ZSWIM6: variants seen among roughly 807,000 people sequenced by gnomAD.
ZSWIM6 encodes the protein zinc finger SWIM-type containing 6.
In ZSWIM6, 9 loss-of-function variants were observed where a neutral mutation model predicts 113.2. That is an observed-to-expected ratio of 0.08 (90% CI 0.05 to 0.14). The LOEUF is 0.14. Among genes scored for constraint, ZSWIM6 ranks in the 10% least tolerant of loss-of-function variants. The pLI is 1.00. For missense variants in ZSWIM6, 1,162 were observed against 1,552.2 expected, an observed-to-expected ratio of 0.75 and a Z score of 4.22; for synonymous variants, 611 against 606.5, an observed-to-expected ratio of 1.01 and a Z score of -0.11.
intron 1 of ZSWIM6, among the ~76,000 whole-genome samples, chr5:61,367,494 C>T (rs1445773755): frequency 6.6e-6 from 1 of 152,200 alleles, no homozygotes; most frequent in Non-Finnish European, 1.5e-5. Context: ...ATCCATCCTC[C>T]TGCCTTGGCC....
At chr5:61,333,009 G>GGCCCCCCCCC in intron 1 of ZSWIM6, 61 bp downstream of exon 1, 3 of 439,898 alleles carry the variant, frequency 6.8e-6, no homozygotes, top group Non-Finnish European at 6.4e-6. Flanking sequence ...TGGGGGGGGG[G>GGCCCCCCCCC]TGCCCGCCTT....
At chr5:61,383,290 C>G (rs1212824957) in intron 1 of ZSWIM6, among the ~76,000 whole-genome samples, 1 of 152,196 alleles carries the variant, frequency 6.6e-6, no homozygotes, top group African/African-American at 2.4e-5. Context: ...AGGCAGCTGA[C>G]AAGCAGCCCC....
intron 1 of ZSWIM6, among the ~76,000 whole-genome samples, chr5:61,468,837 C>T (rs1436062394): frequency 6.6e-6 from 1 of 152,158 alleles, no homozygotes; most frequent in Non-Finnish European, 1.5e-5. Flanking sequence ...CTATACAAGG[C>T]TGAAGTAGGC....
At chr5:61,439,665 T>G (rs1746783762) in intron 1 of ZSWIM6, among the ~76,000 whole-genome samples, 1 of 152,226 alleles carries the variant, frequency 6.6e-6, no homozygotes, top group African/African-American at 2.4e-5. Context: ...TTCCAGTTTT[T>G]GGCTATCATT....
At chr5:61,484,273 T>G (rs1048845149) in intron 2 of ZSWIM6, among the ~76,000 whole-genome samples, 1 of 152,162 alleles carries the variant, frequency 6.6e-6, no homozygotes, top group Non-Finnish European at 1.5e-5. Context: ...TCCTTGTGGA[T>G]TTTGGCCTTT....
At chr5:61,448,206 T>C (rs1182104983) in intron 1 of ZSWIM6, among the ~76,000 whole-genome samples, 2 of 152,302 alleles carry the variant, frequency 1.3e-5, no homozygotes, top group East Asian at 3.9e-4. Flanking sequence ...GTTTCCATAG[T>C]GCATTAGCAT....
chr5:61,422,169 A>G (rs888137039), intron 1 of ZSWIM6, among the ~76,000 whole-genome samples: 3 of 152,180 alleles, frequency 2.0e-5, no homozygotes, highest in African/African-American at 4.8e-5. Flanking sequence ...AGTTTCCCCA[A>G]AGTTTTCCTT....
intron 1 of ZSWIM6, among the ~76,000 whole-genome samples, chr5:61,377,244 T>A (rs72761431): frequency 0.026 from 3,940 of 152,222 alleles, 79 homozygotes; most frequent in Admixed American, 0.054. Context: ...AAAAATAAAG[T>A]TGGATCTATA....
intron 2 of ZSWIM6, among the ~76,000 whole-genome samples, chr5:61,485,157 C>A (rs1217139629): frequency 6.6e-6 from 1 of 152,066 alleles, no homozygotes; most frequent in Non-Finnish European, 1.5e-5. Flanking sequence ...GTGAGCAGGG[C>A]AGATACAATT....
At chr5:61,455,791 C>A (rs571537177) in intron 1 of ZSWIM6, among the ~76,000 whole-genome samples, 1 of 150,854 alleles carries the variant, frequency 6.6e-6, no homozygotes, top group East Asian at 2.0e-4. Flanking sequence ...TTCCCCGCCC[C>A]GGCCTTCTCC....
At chr5:61,375,944 G>C (rs1214095456) in intron 1 of ZSWIM6, 1 of 647,458 alleles carries the variant, frequency 1.5e-6, no homozygotes, top group Non-Finnish European at 2.6e-6. Context: ...TTACTAAAAT[G>C]CATGAATTTT....
At chr5:61,420,065 G>A (rs1746325149) in intron 1 of ZSWIM6, among the ~76,000 whole-genome samples, 1 of 152,186 alleles carries the variant, frequency 6.6e-6, no homozygotes, top group Non-Finnish European at 1.5e-5. Flanking sequence ...ACATTAGAAA[G>A]TACTTTATAA....
chr5:61,332,459 C>G lies in ZSWIM6; in HGVS notation c.187C>G (p.Leu63Val), dbSNP rs1252593637. ...GGCGGCGTGCGGGGGCGGCGCGGCG[C>G]TGGGGTTGCTGCCGCCGGGCAAGAC... ...AAAACGGGAALGLLPPGKTQS... is the reference protein window; with the variant it reads ...AAAACGGGAAVGLLPPGKTQS... Residue 63 changes from leucine (L) to valine (V), a missense_variant, in exon 1 of 14, where the codon CTG becomes GTG. Leu to Val is a conservative substitution (Grantham distance 32). Transcript: ENST00000252744. 6.4e-6 allele frequency: 7 copies of G among 1,085,918 alleles called. No homozygotes were observed. The highest frequency in any genetic ancestry group is 7.9e-6 in the Non-Finnish European group (7 of 885,660). 67.3% of individuals were successfully genotyped at this position (1,085,918 alleles called of 1,614,324 possible).
At chr5:61,415,418 C>T (rs577987274) in intron 1 of ZSWIM6, among the ~76,000 whole-genome samples, 56 of 152,202 alleles carry the variant, frequency 3.7e-4, no homozygotes, top group African/African-American at 1.3e-3. Flanking sequence ...CATATTGAAA[C>T]CCTGTCTCTA....
chr5:61,447,508 C>G (rs1746986594), intron 1 of ZSWIM6, among the ~76,000 whole-genome samples: 1 of 152,184 alleles, frequency 6.6e-6, no homozygotes. Flanking sequence ...ACAAAGGACA[C>G]TCACTCATCT....
chr5:61,335,171 A>G (rs1744367320), intron 1 of ZSWIM6, among the ~76,000 whole-genome samples: 1 of 152,274 alleles, frequency 6.6e-6, no homozygotes, highest in South Asian at 2.1e-4. Flanking sequence ...AAAGGGGAAG[A>G]GGCCACTGAA....
rs934200276 is a variant in ZSWIM6, at chr5:61,449,659, T to G, written c.677-23022T>G. Among the ~76,000 whole-genome samples the G allele has an allele frequency of 2.0e-5, 3 of 152,234 alleles. No homozygotes were observed. The South Asian group carries it at 6.2e-4, about 32-fold the overall frequency. On this transcript the variant is annotated intron_variant, in intron 1 of 13. Transcript: ENST00000252744. ...TTGGTAGTTTGGTTCTACTGAGATT[T>G]TGTTGTCATAGTTCCAGAAGTCACA... is the stretch of plus-strand genomic sequence containing the variant.
Position 61,336,574 on chromosome 5 carries a change from A to AT in ZSWIM6, c.676+3627dup, listed in dbSNP as rs1184932848. On this transcript the variant is annotated intron_variant, in intron 1 of 13. Coordinates refer to ENST00000252744, the MANE Select transcript of ZSWIM6 (RefSeq NM_020928.2). ...GGAGTTCGAGAGCAGCCTGGCCAAC[A>AT]TGGCAAATCTTCGTCTCTACCAAAA... Among the ~76,000 whole-genome samples the AT allele has an allele frequency of 3.9e-5, 6 of 152,080 alleles. No homozygotes were observed. The East Asian group carries it at 1.2e-3, about 29-fold the overall frequency.
In ZSWIM6 at chr5:61,521,419, C is replaced by G; in HGVS notation, c.1490C>G (p.Pro497Arg). 6.7e-7 allele frequency: 1 copy of G among 1,497,716 alleles called. No individual in the cohort carries two copies. Among genetic ancestry groups the G allele is most frequent in the East Asian group, 2.7e-5 (1 of 36,860 alleles). 92.8% of individuals were successfully genotyped at this position (1,497,716 alleles called of 1,614,324 possible). ...TTACCCAACTTAACCAATGCTCTGC[C>G]TCAGGGTGCAAATGCCAACCAAGGT... is the stretch of plus-strand genomic sequence containing the variant. ...SELPNLTNAL[P>R]QGANANQDSS... Residue 497 changes from proline to arginine, a missense_variant, in exon 5 of 14, where the codon CCT becomes CGT. By Grantham distance (103) the Pro-to-Arg change is moderately radical. This residue lies in a region of ZSWIM6 where 620 missense variants were observed against 804.6 expected (regional missense o/e 0.77). Coordinates refer to ENST00000252744, the MANE Select transcript of ZSWIM6 (RefSeq NM_020928.2).
Sources: allele counts gnomAD v4.1 joint callset (sites outside exome capture counted in the v4.1 genomes callset), GRCh38; gene constraint gnomAD v4.1.1; regional missense constraint gnomAD v4.1.1; transcripts MANE v1.5; gene names NCBI Gene and HGNC (gene_info 2026-07-23, HGNC 2026-07-21).